Variants in GLCCI1 observed in about 807,000 individuals in gnomAD.
The protein encoded by GLCCI1 is glucocorticoid induced 1, also known as glucocorticoid-induced transcript 1 protein.
GLCCI1 carries 24 observed loss-of-function variants against 52.2 expected under a neutral mutation model. That is an observed-to-expected ratio of 0.46 (90% CI 0.33 to 0.65). The LOEUF (loss-of-function observed/expected upper bound fraction) is 0.65, where lower values mean the gene tolerates loss of function less well. GLCCI1 is among the 30% of genes least tolerant of loss of function. GLCCI1 has a pLI of 0.02. For synonymous variants in GLCCI1, 310 were observed against 276.5 expected, an observed-to-expected ratio of 1.12 and a Z score of -1.20; for missense variants, 704 against 701.5, an observed-to-expected ratio of 1.00 and a Z score of -0.04.
intron 6 of GLCCI1, among the ~76,000 whole-genome samples, chr7:8,082,977 C>A (rs1783028804): frequency 6.6e-6 from 1 of 152,140 alleles, no homozygotes; most frequent in Non-Finnish European, 1.5e-5. Flanking sequence ...TAGAGTGGAT[C>A]CTTAACTACT....
chr7:8,009,859 T>G (rs1341772437), intron 2 of GLCCI1, among the ~76,000 whole-genome samples: 3 of 147,508 alleles, frequency 2.0e-5, no homozygotes, highest in Non-Finnish European at 4.4e-5. Flanking sequence ...AATTAAAAGC[T>G]TTTCAAAAGA....
chr7:8,083,588 C>G lies in GLCCI1; in HGVS notation c.1178-1309C>G, dbSNP rs1783041330. 2.0e-5 allele frequency among the ~76,000 whole-genome samples: 3 copies of G among 152,184 alleles called. No individual in the cohort carries two copies. The South Asian group carries it at 6.2e-4, about 32-fold the overall frequency. ...CAAATCTGAATGGTATATGAAGAAA[C>G]CAAATTTCATTCTAAGACTTAATTT... On this transcript the variant is annotated intron_variant, in intron 6 of 7. Transcript: ENST00000223145.
At chr7:8,060,027 A>G (rs1562445835) in intron 4 of GLCCI1, 69 bp from the exon 5 acceptor site, 1 of 1,269,800 alleles carries the variant, frequency 7.9e-7, no homozygotes, top group East Asian at 2.6e-5. Flanking sequence ...TTTAATATTT[A>G]CCATACTCTT....
intron 6 of GLCCI1, among the ~76,000 whole-genome samples, chr7:8,074,290 G>A (rs1782827463): frequency 6.6e-6 from 1 of 152,098 alleles, no homozygotes; most frequent in Non-Finnish European, 1.5e-5. Flanking sequence ...TGTAAAGGAG[G>A]GAGTTGTCCA....
Position 7,969,998 on chromosome 7 carries a change from C to G in GLCCI1, c.457+191C>G. On this transcript the variant is annotated intron_variant, in intron 1 of 7. Transcript: ENST00000223145. This position sits in a 1 kb window ranked among gnomAD's most constrained non-coding sequence, Gnocchi z 4.9. ...GAACTGAAAAGCGACTTTTATTTGA[C>G]CCTCATGCCGCCCCTCAGAGTCTCT... 2 of 623,482 alleles carry G rather than the reference C, an allele frequency of 3.2e-6. No homozygotes were observed. The highest frequency in any genetic ancestry group is 4.3e-6 in the Non-Finnish European group (2 of 468,370). The allele number at this position is 623,482 out of a possible 1,614,324, so 38.6% of individuals were successfully genotyped here.
In GLCCI1 at chr7:8,087,161, T is replaced by G. The variant is rs1783134274; in HGVS notation, c.*623T>G. ...CATCACTCTTTTGCCTTTCCTTATT[T>G]TATGCATTTCCCTTTCCTCATTACA... On this transcript the variant is annotated 3_prime_UTR_variant, in exon 8 of 8. Coordinates refer to ENST00000223145, the MANE Select transcript of GLCCI1 (RefSeq NM_138426.4). 6.6e-6 allele frequency: 1 copy of G among 152,644 alleles called. No homozygotes were observed. The highest frequency in any genetic ancestry group is 2.4e-5 in the African/African-American group (1 of 41,446). 9.5% of individuals were successfully genotyped at this position (152,644 alleles called of 1,614,324 possible). A position where few individuals can be genotyped will look rare whatever the true frequency, so the allele number is the denominator to read the frequency against.
At chr7:7,995,560 A>G (rs905437230) in intron 1 of GLCCI1, among the ~76,000 whole-genome samples, 14 of 152,214 alleles carry the variant, frequency 9.2e-5, no homozygotes, top group Non-Finnish European at 2.1e-4. Flanking sequence ...ACCATGGAAT[A>G]CTATGCAGCC....
At chr7:8,023,119 C>T (rs1781529122) in intron 3 of GLCCI1, among the ~76,000 whole-genome samples, 1 of 151,992 alleles carries the variant, frequency 6.6e-6, no homozygotes. Context: ...AGGTTCACGC[C>T]ATTCTCCTGC....
At chr7:7,990,637 C>CTTTTGTG (rs1342721861) in intron 1 of GLCCI1, among the ~76,000 whole-genome samples, 28 of 152,158 alleles carry the variant, frequency 1.8e-4, no homozygotes, top group Middle Eastern at 3.4e-3. Flanking sequence ...TTGTGTTTTA[C>CTTTTGTG]TCGTGGCCTC....
At chr7:7,981,397 A>G (rs1359084782) in intron 1 of GLCCI1, among the ~76,000 whole-genome samples, 1 of 151,666 alleles carries the variant, frequency 6.6e-6, no homozygotes, top group Admixed American at 6.6e-5. Context: ...ATCTCGGCTC[A>G]CTGCAGCCTC....
chr7:8,023,588 C>CCTTTTTTTT (rs1781543370), intron 3 of GLCCI1, among the ~76,000 whole-genome samples: 1 of 41,984 alleles, frequency 2.4e-5, no homozygotes, highest in African/African-American at 1.0e-4. Flanking sequence ...CTCTGTTATT[C>CCTTTTTTTT]TTTTTTTTTT....
At chr7:7,989,941 C>T (rs1329989143) in intron 1 of GLCCI1, among the ~76,000 whole-genome samples, 1 of 152,032 alleles carries the variant, frequency 6.6e-6, no homozygotes, top group Non-Finnish European at 1.5e-5. Context: ...AAGTGAGCTA[C>T]ATTACTTATA....
intron 2 of GLCCI1, among the ~76,000 whole-genome samples, chr7:8,005,059 A>G (rs570851059): frequency 1.1e-4 from 17 of 152,248 alleles, no homozygotes; most frequent in African/African-American, 3.4e-4. Flanking sequence ...TTTGATTTCC[A>G]TTCTTCATTT....
At chr7:7,993,459 C>T (rs1160606270) in intron 1 of GLCCI1, among the ~76,000 whole-genome samples, 1 of 152,158 alleles carries the variant, frequency 6.6e-6, no homozygotes, top group East Asian at 1.9e-4. Context: ...TGAGCATAGC[C>T]ATATTGCTCT....
chr7:8,016,236 G>A (rs182753618), intron 2 of GLCCI1, among the ~76,000 whole-genome samples: 1 of 152,342 alleles, frequency 6.6e-6, no homozygotes, highest in East Asian at 1.9e-4. Flanking sequence ...TTGGGAGACC[G>A]AGGTGGGCAG....
At chr7:8,038,914 G>GA (rs930846828) in intron 3 of GLCCI1, among the ~76,000 whole-genome samples, 3 of 151,244 alleles carry the variant, frequency 2.0e-5, no homozygotes, top group Non-Finnish European at 3.0e-5. Flanking sequence ...AATGCAACAA[G>GA]AAAAAAAATA....
At chr7:7,978,016 T>A (rs577959659) in intron 1 of GLCCI1, among the ~76,000 whole-genome samples, 6 of 152,252 alleles carry the variant, frequency 3.9e-5, no homozygotes, top group African/African-American at 1.4e-4. Context: ...AAATATAGCT[T>A]TGGGGCGGTG....
chr7:8,017,358 A>G (rs10486205), intron 2 of GLCCI1, among the ~76,000 whole-genome samples: 66,831 of 152,088 alleles, frequency 0.44, 14,984 homozygotes, highest in Middle Eastern at 0.52. Context: ...TATGGTCAAC[A>G]TGACACCTTG....
At chr7:8,051,799 T>C (rs1310519683) in intron 3 of GLCCI1, among the ~76,000 whole-genome samples, 1 of 152,236 alleles carries the variant, frequency 6.6e-6, no homozygotes, top group Non-Finnish European at 1.5e-5. Context: ...TGTTCAAGTC[T>C]TTTGCCTACT....
Sources: gnomAD v4.1 joint callset for allele counts (sites outside exome capture counted in the v4.1 genomes callset) on GRCh38, gnomAD v4.1.1 for gene constraint, Gnocchi (gnomAD v3.1) non-coding constraint, MANE v1.5 for transcripts, NCBI Gene and HGNC (gene_info 2026-07-23, HGNC 2026-07-21) for gene names.